DCHS2: variants seen among roughly 807,000 people sequenced by gnomAD.
DCHS2 encodes the protein protocadherin-23.
A neutral mutation model predicts 182.4 loss-of-function variants in DCHS2; 142 were observed. The observed-to-expected ratio is 0.78, with a 90% CI of 0.68 to 0.89. The LOEUF (loss-of-function observed/expected upper bound fraction) is 0.89. Ranked by LOEUF, DCHS2 falls within the 40% of genes least tolerant of loss-of-function variation. The pLI, the probability that DCHS2 is intolerant of heterozygous loss-of-function variation, is 0.00. For missense variants in DCHS2, 4,319 were observed against 4,198.6 expected, an observed-to-expected ratio of 1.03 and a Z score of -0.79; for synonymous variants, 1,740 against 1,663.3, an observed-to-expected ratio of 1.05 and a Z score of -1.12.
At chr4:154,421,540 G>T (rs922146061) in intron 1 of DCHS2, among the ~76,000 whole-genome samples, 1 of 152,076 alleles carries the variant, frequency 6.6e-6, no homozygotes, top group Non-Finnish European at 1.5e-5. Flanking sequence ...GATTACAGGT[G>T]CCAGCCACCA....
At chr4:154,389,022 C>T (rs575556580) in intron 1 of DCHS2, among the ~76,000 whole-genome samples, 7 of 151,984 alleles carry the variant, frequency 4.6e-5, no homozygotes, top group South Asian at 4.2e-4. Flanking sequence ...GAGCAAGGGC[C>T]GGACAGTAAA....
In DCHS2 at chr4:154,489,597, A is replaced by C; in HGVS notation, c.1759T>G (p.Cys587Gly). The change falls in exon 1 of 20, where the codon TGC becomes GGC. Residue 587 changes from cysteine (C) to glycine (G), a missense_variant. Physicochemically the swap from Cys to Gly is radical, Grantham distance 159 (BLOSUM62 -3). Coordinates refer to ENST00000357232, the MANE Select transcript of DCHS2 (RefSeq NM_001358235.2). ...TTTGATTGCAGGGAGCCGAGATTGC[A>C]GGGAGCCGAGAGTTGGACTACAGTG... Reference protein sequence around the residue: ...RYTVVQLSAPCNLGSLQSKMV... With the variant: ...RYTVVQLSAPGNLGSLQSKMV... The C allele has an allele frequency of 2.6e-6, 4 of 1,550,684 alleles. No individual in the cohort carries two copies. The highest frequency in any genetic ancestry group is 3.5e-6 in the Non-Finnish European group (4 of 1,146,240).
chr4:154,279,371 T>C (rs1271576434), intron 13 of DCHS2, among the ~76,000 whole-genome samples: 4 of 152,006 alleles, frequency 2.6e-5, no homozygotes, highest in South Asian at 2.1e-4. Flanking sequence ...TCACTTTACA[T>C]AGAAGAACAC....
chr4:154,299,416 G>T (rs570633311), intron 12 of DCHS2, among the ~76,000 whole-genome samples: 2 of 152,102 alleles, frequency 1.3e-5, no homozygotes, highest in Non-Finnish European at 2.9e-5. Context: ...GGGACAAAAA[G>T]CTTTCAAAGA....
intron 2 of DCHS2, among the ~76,000 whole-genome samples, chr4:154,369,703 C>G (rs1730550399): frequency 6.6e-6 from 1 of 152,166 alleles, no homozygotes; most frequent in Admixed American, 6.5e-5. Context: ...AAATTCCATG[C>G]ATGAGTATGT....
intron 1 of DCHS2, among the ~76,000 whole-genome samples, chr4:154,443,191 A>G (rs1349549833): frequency 6.6e-6 from 1 of 152,130 alleles, no homozygotes; most frequent in African/African-American, 2.4e-5. Flanking sequence ...CTCCTAAGTT[A>G]GTTAAACCCA....
At position 154,320,906 on chromosome 4, in the gene DCHS2, A is replaced by G; in HGVS notation, c.4493T>C (p.Ile1498Thr). 1 of 1,614,114 alleles carries G rather than the reference A, an allele frequency of 6.2e-7. No homozygotes were observed. Among genetic ancestry groups the G allele is most frequent in the Non-Finnish European group, 8.5e-7 (1 of 1,180,020 alleles). ...ATGGTCATTCTGATCTTCCACATCG[A>G]TACTAAGGAAGACTGTGCTACTCAG... ...LSLSSTVFLS[I>T]DVEDQNDHSP... The change falls in exon 9 of 20, where the codon ATC (isoleucine) becomes ACC (threonine). Residue 1498 changes from isoleucine to threonine, a missense_variant. Transcript: ENST00000357232.
chr4:154,331,777 GCTAT>G (rs1736540695), intron 5 of DCHS2: 5 of 1,520,380 alleles, frequency 3.3e-6, no homozygotes, highest in Non-Finnish European at 4.4e-6. Context: ...TACTACTCGA[GCTAT>G]CTGAGTTTCA....
intron 1 of DCHS2, among the ~76,000 whole-genome samples, chr4:154,407,147 T>C (rs1269754631): frequency 6.6e-6 from 1 of 152,144 alleles, no homozygotes; most frequent in Non-Finnish European, 1.5e-5. Flanking sequence ...CACAAGGAAA[T>C]GCCCAAATTC....
chr4:154,378,071 G>C (rs1333406756), intron 1 of DCHS2, among the ~76,000 whole-genome samples: 1 of 152,130 alleles, frequency 6.6e-6, no homozygotes, highest in African/African-American at 2.4e-5. Context: ...GTGCCTGTAG[G>C]TACATGGGGA....
chr4:154,359,719 T>A (rs1166486748), intron 3 of DCHS2, among the ~76,000 whole-genome samples: 2 of 152,086 alleles, frequency 1.3e-5, no homozygotes, highest in Non-Finnish European at 2.9e-5. Context: ...GACTAAGTAG[T>A]ATTGGCTGAA....
chr4:154,260,346 A>G (rs922356395), intron 14 of DCHS2, among the ~76,000 whole-genome samples: 2 of 152,208 alleles, frequency 1.3e-5, no homozygotes, highest in African/African-American at 2.4e-5. Flanking sequence ...CCCCCTGGCC[A>G]TGTCTGGAAA....
At chr4:154,458,030 T>A (rs984427158) in intron 1 of DCHS2, among the ~76,000 whole-genome samples, 2 of 152,212 alleles carry the variant, frequency 1.3e-5, no homozygotes. Context: ...AAATAAATGT[T>A]CAGATATAGA....
chr4:154,288,742 G>A (rs1255411367), intron 13 of DCHS2, among the ~76,000 whole-genome samples: 2 of 151,870 alleles, frequency 1.3e-5, no homozygotes, highest in African/African-American at 4.8e-5. Flanking sequence ...GACTGCAAAG[G>A]AATAAAACTA....
In DCHS2 at chr4:154,353,481, T is replaced by G. The variant is rs187476968; in HGVS notation, c.2476+12729A>C. 1.9e-4 allele frequency among the ~76,000 whole-genome samples: 29 copies of G among 152,254 alleles called. No homozygotes were observed. In the East Asian group the frequency reaches 5.4e-3, roughly 28 times the overall value. ...ATATGTTGTGTATAAGAAGCACACC[T>G]GAAACAAAAGAATACAGACAGGGTG... On this transcript the variant is annotated intron_variant, in intron 3 of 19. Transcript: ENST00000357232.
intron 13 of DCHS2, among the ~76,000 whole-genome samples, chr4:154,293,113 T>C (rs747697044): frequency 1.3e-5 from 2 of 152,214 alleles, no homozygotes; most frequent in East Asian, 1.9e-4. Context: ...TGGAATCGCA[T>C]GGGAGCTTCT....
chr4:154,366,111 A>G, intron 3 of DCHS2, 99 bp downstream of exon 3: 1 of 847,792 alleles, frequency 1.2e-6, no homozygotes, highest in Non-Finnish European at 1.9e-6. Context: ...CAACACCCCC[A>G]TTATTGAAAA....
At chr4:154,280,194 C>T (rs780590754) in intron 13 of DCHS2, among the ~76,000 whole-genome samples, 16 of 151,968 alleles carry the variant, frequency 1.1e-4, no homozygotes, top group Admixed American at 6.6e-5. Flanking sequence ...TAGAAAATCT[C>T]AAGAAACCTG....
At chr4:154,384,027 C>T (rs533968359) in intron 1 of DCHS2, among the ~76,000 whole-genome samples, 1 of 152,210 alleles carries the variant, frequency 6.6e-6, no homozygotes, top group East Asian at 1.9e-4. Flanking sequence ...ACACAACACA[C>T]ACATAGAACT....
Sources: gnomAD v4.1 joint callset for allele counts (sites outside exome capture counted in the v4.1 genomes callset) on GRCh38, gnomAD v4.1.1 for gene constraint, MANE v1.5 for transcripts, NCBI Gene and HGNC (gene_info 2026-07-23, HGNC 2026-07-21) for gene names.